Variants in TCF7L2 observed in about 807,000 individuals in gnomAD.
The protein encoded by TCF7L2 is transcription factor 7-like 2.
Under a neutral mutation model 77.9 loss-of-function variants are expected in TCF7L2, and 23 were observed. The observed-to-expected ratio is 0.30, with a 90% CI of 0.21 to 0.42. The LOEUF is 0.42. TCF7L2 is among the 10% of genes least tolerant of loss of function. The pLI, the probability that TCF7L2 is intolerant of heterozygous loss-of-function variation, is 1.00. For synonymous variants in TCF7L2, 413 were observed against 340.2 expected (o/e 1.21, Z -2.36); for missense variants, 654 against 793.1 (o/e 0.82, Z 2.11).
chr10:113,096,954 T>C (rs1469224405), intron 5 of TCF7L2, among the ~76,000 whole-genome samples: 2 of 152,178 alleles, frequency 1.3e-5, no homozygotes, highest in Non-Finnish European at 2.9e-5. Context: ...CCTGCTCGGC[T>C]TCTGCTCCTA....
chr10:113,099,769 G>A (rs984355835), intron 5 of TCF7L2, among the ~76,000 whole-genome samples: 1 of 151,902 alleles, frequency 6.6e-6, no homozygotes. Flanking sequence ...TCCAATTCCT[G>A]TCTTTGTAAT....
chr10:113,039,942 C>A, intron 4 of TCF7L2, 83 bp from the exon 5 acceptor site: 2 of 1,199,364 alleles, frequency 1.7e-6, no homozygotes, highest in South Asian at 1.4e-5. Flanking sequence ...TGACCCATGT[C>A]ACAGTTATTT....
intron 5 of TCF7L2, among the ~76,000 whole-genome samples, chr10:113,096,652 G>C (rs1312263695): frequency 6.6e-6 from 1 of 152,108 alleles, no homozygotes; most frequent in African/African-American, 2.4e-5. Context: ...GGCCTCTTCT[G>C]TGGGGGCCAA....
chr10:113,006,966 CT>C (rs2045662342), intron 4 of TCF7L2, among the ~76,000 whole-genome samples: 1 of 152,242 alleles, frequency 6.6e-6, no homozygotes, highest in Non-Finnish European at 1.5e-5. Context: ...TCCTTCCGTC[CT>C]TTATGTGGCA....
chr10:112,991,935 C>T (rs915798054), intron 4 of TCF7L2, among the ~76,000 whole-genome samples: 42 of 152,272 alleles, frequency 2.8e-4, no homozygotes, highest in African/African-American at 7.5e-4. Flanking sequence ...AGGGGTGAAA[C>T]GCCCCCAGGG....
intron 3 of TCF7L2, among the ~76,000 whole-genome samples, chr10:112,960,259 C>G (rs1409608046): frequency 6.6e-6 from 1 of 151,944 alleles, no homozygotes; most frequent in Non-Finnish European, 1.5e-5. Flanking sequence ...AAATTTAGAG[C>G]CCAGTAGTGA....
At chr10:112,963,166 G>A (rs1248340835) in intron 3 of TCF7L2, among the ~76,000 whole-genome samples, 1 of 152,114 alleles carries the variant, frequency 6.6e-6, no homozygotes, top group Non-Finnish European at 1.5e-5. Context: ...AGAGCCCACT[G>A]CATCCTAAAA....
At chr10:113,139,047 C>A (rs2067878846) in intron 5 of TCF7L2, among the ~76,000 whole-genome samples, 1 of 152,148 alleles carries the variant, frequency 6.6e-6, no homozygotes, top group African/African-American at 2.4e-5. Context: ...GTCCTTCCAC[C>A]CCTTAGTAAT....
At chr10:113,025,202 C>T (rs2048930171) in intron 4 of TCF7L2, among the ~76,000 whole-genome samples, 1 of 149,208 alleles carries the variant, frequency 6.7e-6, no homozygotes, top group Non-Finnish European at 1.5e-5. Flanking sequence ...GGACTACAGG[C>T]ATGCACTGTG....
At chr10:112,951,380 G>A (rs1376232390) in intron 2 of TCF7L2, 103 bp from the exon 3 acceptor site, 7 of 1,137,470 alleles carry the variant, frequency 6.2e-6, no homozygotes, top group African/African-American at 5.2e-5. Flanking sequence ...GCGCCGGCCC[G>A]GTCGGGGCGC....
intron 4 of TCF7L2, among the ~76,000 whole-genome samples, chr10:113,001,703 A>C (rs368926116): frequency 5.9e-5 from 9 of 152,164 alleles, no homozygotes; most frequent in African/African-American, 1.7e-4. Context: ...AGCAAACCAA[A>C]CCAACTCACC....
At chr10:113,125,870 A>T (rs2065506248) in intron 5 of TCF7L2, 1 of 152,254 alleles carries the variant, frequency 6.6e-6, no homozygotes, top group Non-Finnish European at 1.5e-5. Context: ...CCGCTAAAAA[A>T]TTTGACACCT....
At chr10:113,143,745 G>A (rs1029658288) in intron 6 of TCF7L2, among the ~76,000 whole-genome samples, 178 bp from the exon 7 acceptor site, 1 of 152,088 alleles carries the variant, frequency 6.6e-6, no homozygotes, top group Admixed American at 6.5e-5. Context: ...TCAAACTGAG[G>A]CTGAGGGAAA....
chr10:113,071,572 A>G (rs1422877766), intron 5 of TCF7L2, among the ~76,000 whole-genome samples: 1 of 151,968 alleles, frequency 6.6e-6, no homozygotes, highest in Non-Finnish European at 1.5e-5. Context: ...CTCAGGAGGG[A>G]GGAATCTTTT....
chr10:113,052,920 T>C (rs1482731550), intron 5 of TCF7L2, among the ~76,000 whole-genome samples: 1 of 152,232 alleles, frequency 6.6e-6, no homozygotes, highest in Non-Finnish European at 1.5e-5. Flanking sequence ...TCTAAACTTT[T>C]AATTTGGAAG....
Position 113,150,303 on chromosome 10 carries a change from T to G in TCF7L2, c.876-695T>G, listed in dbSNP as rs527776705. On this transcript the variant is annotated intron_variant, in intron 8 of 13. Transcript: ENST00000627217. ...CAGAATCAAAGGTTTATTGTGTGTG[T>G]GTGCACCTTTCCTTTCCTTTTTTTT... Among the ~76,000 whole-genome samples the G allele has an allele frequency of 3.3e-5, 5 of 150,780 alleles. No individual in the cohort carries two copies. The Admixed American group carries it at 3.3e-4, about 10-fold the overall frequency.
intron 3 of TCF7L2, chr10:112,951,947 G>T (rs973247505): frequency 2.0e-5 from 3 of 151,928 alleles, no homozygotes; most frequent in Non-Finnish European, 4.4e-5. Context: ...CTCCCCCTTT[G>T]GTGGTGGTGT....
chr10:113,141,992 G>A (rs1592233224), intron 6 of TCF7L2, among the ~76,000 whole-genome samples: 1 of 152,118 alleles, frequency 6.6e-6, no homozygotes, highest in Non-Finnish European at 1.5e-5. Flanking sequence ...GCTTTTCAAC[G>A]TCTTTTTGTT....
chr10:112,954,586 G>A (rs1255265035), intron 3 of TCF7L2, among the ~76,000 whole-genome samples: 1 of 152,154 alleles, frequency 6.6e-6, no homozygotes, highest in Non-Finnish European at 1.5e-5. Flanking sequence ...ATTAAGGAGA[G>A]GTCTAGTTAA....
Sources: gnomAD v4.1 joint callset for allele counts (sites outside exome capture counted in the v4.1 genomes callset) on GRCh38, gnomAD v4.1.1 for gene constraint, MANE v1.5 for transcripts, NCBI Gene and HGNC (gene_info 2026-07-23, HGNC 2026-07-21) for gene names.